Variants in AGBL3 observed in about 807,000 individuals in gnomAD.
AGBL3 encodes the protein AGBL carboxypeptidase 3.
Under a neutral mutation model 94.5 loss-of-function variants are expected in AGBL3, and 68 were observed. The observed-to-expected ratio is 0.72, with a 90% CI of 0.59 to 0.88. AGBL3 has a LOEUF of 0.88. Ranked by LOEUF, AGBL3 falls within the 40% of genes least tolerant of loss-of-function variation. The probability of loss-of-function intolerance (pLI) is 0.00; values close to 1 mark genes in which losing one functional copy is unlikely to be tolerated. For missense variants in AGBL3, 934 were observed against 1,103.8 expected (o/e 0.85, Z 2.18); for synonymous variants, 354 against 370.7 (o/e 0.95, Z 0.52).
intron 11 of AGBL3, among the ~76,000 whole-genome samples, chr7:135,047,922 G>GT (rs1817522740): frequency 2.0e-5 from 3 of 151,782 alleles, no homozygotes; most frequent in African/African-American, 4.8e-5. Context: ...TTTTGGTGTC[G>GT]TATCTATGAA....
intron 16 of AGBL3, among the ~76,000 whole-genome samples, chr7:135,127,203 G>T (rs1040697283): frequency 1.3e-5 from 2 of 151,666 alleles, no homozygotes; most frequent in Non-Finnish European, 2.9e-5. Context: ...CAAAAAGTGG[G>T]CAAAGGATAT....
At chr7:135,060,624 T>G (rs548299100) in intron 12 of AGBL3, among the ~76,000 whole-genome samples, 2 of 152,174 alleles carry the variant, frequency 1.3e-5, no homozygotes, top group Non-Finnish European at 2.9e-5. Context: ...GCATTTTTTT[T>G]TAATACTCCA....
At chr7:135,000,773 C>T (rs1435915155) in intron 4 of AGBL3, among the ~76,000 whole-genome samples, 3 of 152,126 alleles carry the variant, frequency 2.0e-5, no homozygotes, top group East Asian at 1.9e-4. Context: ...CAGCTGCATC[C>T]GAACAATTTC....
At chr7:135,049,265 G>A (rs1160611383) in intron 11 of AGBL3, among the ~76,000 whole-genome samples, 1 of 151,884 alleles carries the variant, frequency 6.6e-6, no homozygotes, top group African/African-American at 2.4e-5. Context: ...GCATCCCAGG[G>A]ATAAATCCCA....
intron 11 of AGBL3, among the ~76,000 whole-genome samples, chr7:135,047,272 C>T (rs563802577): frequency 6.6e-6 from 1 of 151,580 alleles, no homozygotes; most frequent in Admixed American, 6.7e-5. Flanking sequence ...GTCTTATTTT[C>T]TTTATCCATT....
intron 5 of AGBL3, 71 bp downstream of exon 5, chr7:135,017,230 G>A: frequency 8.7e-7 from 1 of 1,147,164 alleles, no homozygotes; most frequent in South Asian, 1.3e-5. Context: ...AATTATATTT[G>A]TTTTGCTGTT....
chr7:135,045,357 T>C (rs1403937690), intron 9 of AGBL3, 117 bp from the exon 10 acceptor site: 1 of 817,228 alleles, frequency 1.2e-6, no homozygotes, highest in East Asian at 2.7e-5. Context: ...AAGAAAAAAA[T>C]CTAAAGGATA....
chr7:135,106,191 C>A (rs1824687393), intron 15 of AGBL3, among the ~76,000 whole-genome samples: 1 of 152,004 alleles, frequency 6.6e-6, no homozygotes, highest in Admixed American at 6.6e-5. Flanking sequence ...AGTCTGAATT[C>A]CGCTCTTCCT....
At chr7:135,014,750 C>T (rs916731371) in intron 4 of AGBL3, among the ~76,000 whole-genome samples, 4 of 152,156 alleles carry the variant, frequency 2.6e-5, no homozygotes, top group African/African-American at 9.7e-5. Context: ...AAAACCTTCA[C>T]AAGGTGATCC....
intron 16 of AGBL3, among the ~76,000 whole-genome samples, chr7:135,125,486 C>A (rs1827749324): frequency 6.6e-6 from 1 of 152,182 alleles, no homozygotes; most frequent in Non-Finnish European, 1.5e-5. Flanking sequence ...TGGTACCATT[C>A]CTTCTGAAAC....
chr7:135,006,702 C>T (rs924023329), intron 4 of AGBL3, among the ~76,000 whole-genome samples: 1 of 151,822 alleles, frequency 6.6e-6, no homozygotes, highest in East Asian at 1.9e-4. Context: ...TGGAGGAATA[C>T]TTAGATTTGG....
intron 4 of AGBL3, among the ~76,000 whole-genome samples, chr7:135,013,594 A>G (rs1198587520): frequency 2.0e-5 from 3 of 152,200 alleles, no homozygotes; most frequent in Non-Finnish European, 4.4e-5. Flanking sequence ...CGTATACTTG[A>G]AGAAGACATT....
chr7:135,059,132 CA>C (rs1364852776), intron 11 of AGBL3, 36 bp from the exon 12 acceptor site: 28 of 1,481,012 alleles, frequency 1.9e-5, no homozygotes, highest in Non-Finnish European at 2.4e-5. Flanking sequence ...AAGATGCCAC[CA>C]AAACACTGTA....
intron 8 of AGBL3, among the ~76,000 whole-genome samples, chr7:135,041,363 G>T (rs1816839307): frequency 6.6e-6 from 1 of 152,110 alleles, no homozygotes. Context: ...TTTTATGACA[G>T]TATAAAACTA....
At chr7:135,028,027 C>T (rs1048003520) in intron 5 of AGBL3, among the ~76,000 whole-genome samples, 4 of 151,674 alleles carry the variant, frequency 2.6e-5, no homozygotes. Flanking sequence ...GAAATAGCAT[C>T]ATGTCTAAAA....
intron 9 of AGBL3, among the ~76,000 whole-genome samples, chr7:135,045,195 C>T (rs1050476963): frequency 7.2e-5 from 11 of 152,112 alleles, no homozygotes; most frequent in African/African-American, 2.4e-4. Context: ...ATTATTACCA[C>T]TGTTTCTAAC....
intron 12 of AGBL3, among the ~76,000 whole-genome samples, chr7:135,066,166 A>G (rs1819278860): frequency 6.6e-6 from 1 of 152,238 alleles, no homozygotes; most frequent in Non-Finnish European, 1.5e-5. Context: ...CAACCAAGAA[A>G]ATATTTAATA....
At chr7:135,054,454 T>C (rs1270245252) in intron 11 of AGBL3, among the ~76,000 whole-genome samples, 1 of 152,232 alleles carries the variant, frequency 6.6e-6, no homozygotes, top group African/African-American at 2.4e-5. Flanking sequence ...ATACATTTTC[T>C]GATTTGCAAT....
intron 4 of AGBL3, among the ~76,000 whole-genome samples, chr7:135,006,903 C>A (rs1038301154): frequency 5.9e-5 from 9 of 151,624 alleles, no homozygotes; most frequent in African/African-American, 2.2e-4. Flanking sequence ...GAACCAGATA[C>A]AGAATAAAAA....
Sources: allele counts gnomAD v4.1 joint callset (sites outside exome capture counted in the v4.1 genomes callset), GRCh38; gene constraint gnomAD v4.1.1; transcripts MANE v1.5; gene names NCBI Gene and HGNC (gene_info 2026-07-23, HGNC 2026-07-21).